Variants in TMEM131 observed in about 807,000 individuals in gnomAD.
The protein encoded by TMEM131 is transmembrane protein 131.
In TMEM131, 66 loss-of-function variants were observed where a neutral mutation model predicts 211.6. The observed-to-expected ratio is 0.31, with a 90% CI of 0.26 to 0.38. The LOEUF (loss-of-function observed/expected upper bound fraction) is 0.38. Among genes scored for constraint, TMEM131 ranks in the 10% least tolerant of loss-of-function variants. The pLI, the probability that TMEM131 is intolerant of heterozygous loss-of-function variation, is 1.00. For synonymous variants in TMEM131, 844 were observed against 841.3 expected, an observed-to-expected ratio of 1.00 and a Z score of -0.06; for missense variants, 2,036 against 2,299.3, an observed-to-expected ratio of 0.89 and a Z score of 2.34.
At chr2:97,990,513 G>A (rs545203857) in intron 1 of TMEM131, among the ~76,000 whole-genome samples, 2 of 152,266 alleles carry the variant, frequency 1.3e-5, no homozygotes, top group South Asian at 2.1e-4. Flanking sequence ...GCCCTATCAC[G>A]CTGGGTATAT....
rs559047290 is a variant in TMEM131 at position 97,975,059 on chromosome 2, T to C, written c.187+20417A>G. Among the ~76,000 whole-genome samples the C allele has an allele frequency of 1.1e-4, 17 of 152,158 alleles. No homozygotes were observed. In the East Asian group the frequency reaches 3.1e-3, roughly 28 times the overall value. ...TCACCAAGATAGCCTATATTCAAAG[T>C]CACAAAACAAGTCTCAAAAGAACTA... On this transcript the variant is annotated intron_variant, in intron 1 of 40. Transcript: ENST00000186436.
intron 35 of TMEM131, chr2:97,762,659 AGCTCCTAGTATATTCCTGT>A: frequency 6.1e-6 from 1 of 162,790 alleles, no homozygotes; most frequent in Non-Finnish European, 1.3e-5. Flanking sequence ...ATCCCTATTA[AGCTCCTAGTATATTCCTGT>A]GCCCTTTAAA....
chr2:97,785,225 GAC>G (rs943414086), intron 31 of TMEM131, among the ~76,000 whole-genome samples: 79 of 152,162 alleles, frequency 5.2e-4, no homozygotes, highest in African/African-American at 1.8e-3. Context: ...AGGATAAAAA[GAC>G]ACACTACAGG....
At chr2:97,836,272 A>G (rs1682935950) in intron 8 of TMEM131, among the ~76,000 whole-genome samples, 1 of 152,242 alleles carries the variant, frequency 6.6e-6, no homozygotes, top group South Asian at 2.1e-4. Context: ...TCTGTGGTCA[A>G]GACTGGTCAG....
intron 1 of TMEM131, among the ~76,000 whole-genome samples, chr2:97,942,738 A>G (rs1372864967): frequency 6.6e-6 from 1 of 152,112 alleles, no homozygotes; most frequent in Non-Finnish European, 1.5e-5. Flanking sequence ...AGAATAGCCT[A>G]GGGACAGGTG....
At chr2:97,886,346 G>T (rs1414805314) in intron 4 of TMEM131, among the ~76,000 whole-genome samples, 5 of 152,102 alleles carry the variant, frequency 3.3e-5, no homozygotes, top group Admixed American at 2.6e-4. Flanking sequence ...TGTTTGATGT[G>T]TCCCCATGTT....
intron 12 of TMEM131, among the ~76,000 whole-genome samples, chr2:97,817,204 G>C (rs149966610): frequency 1.1e-4 from 17 of 152,286 alleles, no homozygotes; most frequent in African/African-American, 3.6e-4. Context: ...AGCTAGAGAA[G>C]AGTAGCTCTT....
intron 2 of TMEM131, among the ~76,000 whole-genome samples, chr2:97,913,274 C>G (rs1676366445): frequency 6.6e-6 from 1 of 152,142 alleles, no homozygotes; most frequent in South Asian, 2.1e-4. Context: ...GACTGAACAT[C>G]GTACTACAAC....
chr2:97,888,075 T>G lies in TMEM131; in HGVS notation c.336A>C (p.Pro112=). The change falls in exon 4 of 41, where the codon CCA becomes CCC. Residue 112 remains proline, a synonymous_variant. Coordinates refer to ENST00000186436, the MANE Select transcript of TMEM131 (RefSeq NM_015348.2). The part of the protein sequence containing the change: ...RGNCRPIRFE[P]PMLDFHEQPV... ...ACTGTTCATGGAAATCCAGCATTGG[T>G]GGCTCAAATCGTATGGGCCTGCAAT... 1.2e-6 allele frequency: 2 copies of G among 1,613,764 alleles called. No individual in the cohort carries two copies. Among genetic ancestry groups the G allele is most frequent in the Non-Finnish European group, 1.7e-6 (2 of 1,179,742 alleles).
intron 11 of TMEM131, among the ~76,000 whole-genome samples, chr2:97,830,770 T>C (rs1477576779): frequency 6.6e-6 from 1 of 152,238 alleles, no homozygotes; most frequent in African/African-American, 2.4e-5. Context: ...TAGGAGAGTT[T>C]GGACCTGCGC....
intron 17 of TMEM131, among the ~76,000 whole-genome samples, chr2:97,811,434 G>A (rs1178669355): frequency 6.6e-6 from 1 of 152,130 alleles, no homozygotes; most frequent in Non-Finnish European, 1.5e-5. Context: ...TGTTCCATGG[G>A]CCACTGAAAA....
intron 36 of TMEM131, 147 bp from the exon 37 acceptor site, chr2:97,761,061 C>A: frequency 9.7e-7 from 1 of 1,025,786 alleles, no homozygotes; most frequent in East Asian, 2.4e-5. Flanking sequence ...GTCACATGCT[C>A]TGGGGCCTCA....
At chr2:97,833,980 T>C (rs985914907) in intron 10 of TMEM131, among the ~76,000 whole-genome samples, 1 of 152,208 alleles carries the variant, frequency 6.6e-6, no homozygotes, top group Non-Finnish European at 1.5e-5. Context: ...TATTATTTTT[T>C]TGTGAAGTCA....
At chr2:97,909,807 G>T (rs1238868938) in intron 2 of TMEM131, among the ~76,000 whole-genome samples, 2 of 152,096 alleles carry the variant, frequency 1.3e-5, no homozygotes, top group African/African-American at 4.8e-5. Context: ...TGTGTGTGGG[G>T]AGGTGTATGG....
intron 2 of TMEM131, among the ~76,000 whole-genome samples, chr2:97,915,119 G>A (rs913632920): frequency 6.6e-6 from 1 of 152,148 alleles, no homozygotes; most frequent in Non-Finnish European, 1.5e-5. Context: ...TTTTCATGTC[G>A]TTTTTACCAT....
At chr2:97,772,231 C>A in intron 33 of TMEM131, 66 bp downstream of exon 33, 1 of 1,565,560 alleles carries the variant, frequency 6.4e-7, no homozygotes. Flanking sequence ...CAAATCAAAA[C>A]AGCACCTGGT....
intron 1 of TMEM131, among the ~76,000 whole-genome samples, chr2:97,970,485 G>A (rs577357009): frequency 5.6e-4 from 85 of 152,336 alleles, no homozygotes; most frequent in African/African-American, 1.9e-3. Context: ...TATTAAGCAT[G>A]TTTATGCCCA....
chr2:97,804,788 G>C (rs977103993), intron 22 of TMEM131, among the ~76,000 whole-genome samples: 1 of 152,076 alleles, frequency 6.6e-6, no homozygotes, highest in African/African-American at 2.4e-5. Flanking sequence ...TATGCAAATG[G>C]ATGAGTCTAA....
chr2:97,759,357 G>A (rs560591487), intron 39 of TMEM131: 11 of 527,896 alleles, frequency 2.1e-5, no homozygotes, highest in Admixed American at 6.4e-5. Flanking sequence ...GAGGACCCCT[G>A]GCACACTCAG....
Sources: allele counts gnomAD v4.1 joint callset (sites outside exome capture counted in the v4.1 genomes callset), GRCh38; gene constraint gnomAD v4.1.1; transcripts MANE v1.5; gene names NCBI Gene and HGNC (gene_info 2026-07-23, HGNC 2026-07-21).